Variants in PCDHGA9 observed in about 807,000 individuals in gnomAD.
PCDHGA9 encodes protocadherin gamma subfamily A, 9.
A neutral mutation model predicts 62.5 loss-of-function variants in PCDHGA9; 37 were observed. That is an observed-to-expected ratio of 0.59 (90% confidence interval 0.46 to 0.78). The LOEUF is 0.78. PCDHGA9 is among the 30% of genes least tolerant of loss of function. PCDHGA9 has a pLI of 0.00. For missense variants in PCDHGA9, 1,138 were observed against 1,166.2 expected (o/e 0.98, Z 0.35); for synonymous variants, 459 against 484.6 (o/e 0.95, Z 0.69).
At chr5:141,415,285 G>T in intron 1 of PCDHGA9, 1 of 1,614,216 alleles carries the variant, frequency 6.2e-7, no homozygotes. Flanking sequence ...GGTGGCCGCG[G>T]TCTCCTGCGT....
intron 1 of PCDHGA9, chr5:141,419,492 A>G: frequency 6.2e-7 from 1 of 1,612,358 alleles, no homozygotes; most frequent in South Asian, 1.1e-5. Flanking sequence ...GCTCAGCGCC[A>G]ATGTGAGCCT....
intron 1 of PCDHGA9, among the ~76,000 whole-genome samples, chr5:141,445,948 G>A (rs538607380): frequency 6.6e-6 from 1 of 152,236 alleles, no homozygotes; most frequent in South Asian, 2.1e-4. Flanking sequence ...GCTTACTCTG[G>A]CTGCTATATG....
At chr5:141,482,544 A>AAAC (rs1041838777) in intron 1 of PCDHGA9, among the ~76,000 whole-genome samples, 4 of 151,844 alleles carry the variant, frequency 2.6e-5, no homozygotes, top group Non-Finnish European at 4.4e-5. Context: ...AAAAAAAAAA[A>AAAC]AAAAAGATAA....
In PCDHGA9 at chr5:141,487,472, G is replaced by A. The variant is rs2099645737; in HGVS notation, c.2425-7335G>A. The A allele has an allele frequency of 2.5e-6, 4 of 1,614,178 alleles. No individual in the cohort carries two copies. Among genetic ancestry groups the A allele is most frequent in the Non-Finnish European group, 3.4e-6 (4 of 1,180,036 alleles). Reference sequence around the variant, plus strand: ...CCCTATCAAGTTTGTTGATGTGGGAGGCCACTCTCATGGCTGTACACCCTT... The same window carrying A: ...CCCTATCAAGTTTGTTGATGTGGGAAGCCACTCTCATGGCTGTACACCCTT... On this transcript the variant is annotated intron_variant, in intron 1 of 3. Coordinates refer to ENST00000573521, the MANE Select transcript of PCDHGA9 (RefSeq NM_018921.3). This position sits in a 1 kb window ranked among gnomAD's most constrained non-coding sequence, Gnocchi z 5.0.
At position 141,486,706 on chromosome 5, in the gene PCDHGA9, C is replaced by G; in HGVS notation, c.2425-8101C>G. 6.2e-7 allele frequency: 1 copy of G among 1,614,154 alleles called. No homozygotes were observed. Among genetic ancestry groups the G allele is most frequent in the Non-Finnish European group, 8.5e-7 (1 of 1,180,024 alleles). ...CAGCTTCCTCTTTCATCTCTCTGAA[C>G]CCCCAGACAGGAGCTGTTCATGCTA... On this transcript the variant is annotated intron_variant, in intron 1 of 3. Coordinates refer to ENST00000573521, the MANE Select transcript of PCDHGA9 (RefSeq NM_018921.3). This position sits in a 1 kb window ranked among gnomAD's most constrained non-coding sequence, Gnocchi z 5.0.
At position 141,489,180 on chromosome 5, in the gene PCDHGA9, C is replaced by G. The variant is rs942218118; in HGVS notation, c.2425-5627C>G. On this transcript the variant is annotated intron_variant, in intron 1 of 3. Transcript: ENST00000573521. This position sits in a 1 kb window ranked among gnomAD's most constrained non-coding sequence, Gnocchi z 4.5. ...GACTTCAGCTGCTGCATTCCAAGCC[C>G]TGGGTCTACCTTGGAGACAGGACAG... The G allele has an allele frequency of 1.8e-5, 23 of 1,259,630 alleles. No homozygotes were observed. In the South Asian group the frequency reaches 3.0e-4, roughly 17 times the overall value. The allele number at this position is 1,259,630 out of a possible 1,614,324, so 78.0% of individuals were successfully genotyped here.
At chr5:141,447,230 C>G (rs1309076828) in intron 1 of PCDHGA9, among the ~76,000 whole-genome samples, 1 of 152,132 alleles carries the variant, frequency 6.6e-6, no homozygotes, top group Non-Finnish European at 1.5e-5. Flanking sequence ...ACCTCCGCCT[C>G]CCGGGTTCAA....
Position 141,485,089 on chromosome 5 carries a change from G to A in PCDHGA9, c.2425-9718G>A. The stretch of plus-strand genomic sequence containing the variant: ...GAGCTGGCGCGGGGAAAGGGAGATA[G>A]GTGTCTCCAGCTGCTGTGGCTGTTT... On this transcript the variant is annotated intron_variant, in intron 1 of 3. Coordinates refer to ENST00000573521, the MANE Select transcript of PCDHGA9 (RefSeq NM_018921.3). This position sits in a 1 kb window ranked among gnomAD's most constrained non-coding sequence, Gnocchi z 5.7. 1 of 1,027,236 alleles carries A rather than the reference G, an allele frequency of 9.7e-7. No homozygotes were observed. The highest frequency in any genetic ancestry group is 1.5e-6 in the Non-Finnish European group (1 of 674,564). 63.6% of individuals were successfully genotyped at this position (1,027,236 alleles called of 1,614,324 possible). A position where few individuals can be genotyped will look rare whatever the true frequency, so the allele number is the denominator to read the frequency against.
intron 1 of PCDHGA9, chr5:141,422,778 C>T (rs1041081332): frequency 1.9e-6 from 3 of 1,613,932 alleles, no homozygotes; most frequent in Admixed American, 1.7e-5. Flanking sequence ...TTCTCTATGC[C>T]CTACAATCCT....
chr5:141,472,335 A>T (rs1033984936), intron 1 of PCDHGA9, among the ~76,000 whole-genome samples: 38 of 151,784 alleles, frequency 2.5e-4, no homozygotes, highest in Non-Finnish European at 2.5e-4. Context: ...AGGTTGGGAG[A>T]TCGAGACCAT....
intron 3 of PCDHGA9, among the ~76,000 whole-genome samples, chr5:141,507,891 C>A (rs1031803854): frequency 6.6e-6 from 1 of 152,208 alleles, no homozygotes; most frequent in African/African-American, 2.4e-5. Flanking sequence ...AGAGAGGTTC[C>A]TGAAGTCCAG....
In PCDHGA9 at chr5:141,491,425, C is replaced by CA; in HGVS notation, c.2425-3381dup. The CA allele has an allele frequency of 6.2e-7, 1 of 1,614,076 alleles. No homozygotes were observed. The highest frequency in any genetic ancestry group is 8.5e-7 in the Non-Finnish European group (1 of 1,179,996). On this transcript the variant is annotated intron_variant, in intron 1 of 3. Coordinates refer to ENST00000573521, the MANE Select transcript of PCDHGA9 (RefSeq NM_018921.3). The surrounding 1 kb of genome is among the most constrained non-coding windows in gnomAD (Gnocchi z 6.9). ...CGCAGACGGGGACGGGGGTGGAGGG[C>CA]AGTGCTGCAGGCGCCAGGACTCACC...
chr5:141,413,272 C>T lies in PCDHGA9; in HGVS notation c.2424+7896C>T, dbSNP rs753942667. Reference sequence around the variant, plus strand: ...CGGGATTCCATGGGAGGCTGGAGCCCGGCAGATCTCCTACTCAATTCCTGA... The same window carrying T: ...CGGGATTCCATGGGAGGCTGGAGCCTGGCAGATCTCCTACTCAATTCCTGA... On this transcript the variant is annotated intron_variant, in intron 1 of 3. Coordinates refer to ENST00000573521, the MANE Select transcript of PCDHGA9 (RefSeq NM_018921.3). 8.1e-6 allele frequency: 13 copies of T among 1,613,944 alleles called. No individual in the cohort carries two copies. In the South Asian group the frequency reaches 1.4e-4, roughly 18 times the overall value.
At chr5:141,410,858 T>A in intron 1 of PCDHGA9, 1 of 436,188 alleles carries the variant, frequency 2.3e-6, no homozygotes, top group Non-Finnish European at 3.8e-6. Context: ...TCTTTTTTTT[T>A]TTTTTTTTTT....
intron 1 of PCDHGA9, among the ~76,000 whole-genome samples, chr5:141,481,065 A>AAAAG (rs1476331686): frequency 6.6e-6 from 1 of 152,164 alleles, no homozygotes; most frequent in African/African-American, 2.4e-5. Context: ...CTCAAAAACA[A>AAAAG]AAAGAAAGAA....
chr5:141,510,978 G>A lies in PCDHGA9; in HGVS notation c.2604G>A (p.Gly868=), dbSNP rs2099883535. 1.2e-6 allele frequency: 2 copies of A among 1,614,160 alleles called. No homozygotes were observed. The change falls in exon 4 of 4, where the codon GGG becomes GGA. Residue 868 remains glycine, a synonymous_variant. Transcript: ENST00000573521. The part of the protein sequence containing the change: ...EAADGSSTLG[G]GAGTMGLSAR... Reference sequence around the variant, plus strand: ...CTGATGGGAGCTCCACCCTGGGAGGGGGTGCCGGCACCATGGGATTGAGCG... The same window carrying A: ...CTGATGGGAGCTCCACCCTGGGAGGAGGTGCCGGCACCATGGGATTGAGCG...
At chr5:141,414,097 T>C (rs1442366960) in intron 1 of PCDHGA9, 1 of 1,594,352 alleles carries the variant, frequency 6.3e-7, no homozygotes, top group South Asian at 1.1e-5. Context: ...AATAAAAATA[T>C]CAGAAAATCT....
chr5:141,418,980 A>C (rs1219866791), intron 1 of PCDHGA9: 2 of 1,614,004 alleles, frequency 1.2e-6, no homozygotes, highest in Non-Finnish European at 1.7e-6. Flanking sequence ...ACACGGGACC[A>C]AGACTCAGGG....
intron 1 of PCDHGA9, among the ~76,000 whole-genome samples, chr5:141,450,025 G>C (rs963999877): frequency 2.7e-5 from 1 of 36,752 alleles, no homozygotes; most frequent in Non-Finnish European, 5.4e-5. Context: ...TTTTTTTTTT[G>C]AGACAGGGTC....
Sources: gnomAD v4.1 joint callset for allele counts (sites outside exome capture counted in the v4.1 genomes callset) on GRCh38, gnomAD v4.1.1 for gene constraint, Gnocchi (gnomAD v3.1) non-coding constraint, MANE v1.5 for transcripts, NCBI Gene and HGNC (gene_info 2026-07-23, HGNC 2026-07-21) for gene names.